LAP3: variants seen among roughly 807,000 people sequenced by gnomAD.
LAP3 encodes the protein cytosol aminopeptidase.
LAP3 carries 46 observed loss-of-function variants against 58.8 expected under a neutral mutation model. The observed-to-expected ratio is 0.78, with a 90% CI of 0.62 to 1.00. LAP3 has a LOEUF of 1.00. Ranked by LOEUF, LAP3 falls within the 50% of genes least tolerant of loss-of-function variation. LAP3 has a pLI of 0.00. For synonymous variants in LAP3, 257 were observed against 237.7 expected (o/e 1.08, Z -0.75); for missense variants, 615 against 659.1 (o/e 0.93, Z 0.73).
At position 17,577,435 on chromosome 4, in the gene LAP3, G is replaced by A; in HGVS notation, c.-31G>A. On this transcript the variant is annotated 5_prime_UTR_variant, in exon 1 of 13. It introduces an in-frame stop codon into an upstream open reading frame of the 5' UTR. Coordinates refer to ENST00000226299, the MANE Select transcript of LAP3 (RefSeq NM_015907.3). ...GCCCACCGCTCTCCACGTGCTCGCT[G>A]GAGGGCGGTGCGAGGGGCCGAGCCG... 3 of 1,512,310 alleles carry A rather than the reference G, an allele frequency of 2.0e-6. No homozygotes were observed. Among genetic ancestry groups the A allele is most frequent in the Non-Finnish European group, 1.8e-6 (2 of 1,123,534 alleles). 93.7% of individuals were successfully genotyped at this position (1,512,310 alleles called of 1,614,324 possible). A position where few individuals can be genotyped will look rare whatever the true frequency, so the allele number is the denominator to read the frequency against.
Position 17,597,670 on chromosome 4 carries a change from A to T in LAP3, c.1077+536A>T, listed in dbSNP as rs544685397. 9.8e-5 allele frequency among the ~76,000 whole-genome samples: 15 copies of T among 152,352 alleles called. No homozygotes were observed. In the South Asian group the frequency reaches 3.1e-3, roughly 32 times the overall value. On this transcript the variant is annotated intron_variant, in intron 9 of 12. Coordinates refer to ENST00000226299, the MANE Select transcript of LAP3 (RefSeq NM_015907.3). ...TCCTCCCATTTCCTGTATGCTATAC[A>T]TGTGTATACACACGTTTCCATGAAT...
intron 1 of LAP3, among the ~76,000 whole-genome samples, chr4:17,577,874 A>G (rs1713252192): frequency 6.6e-6 from 1 of 152,172 alleles, no homozygotes. Context: ...ACCCGGGGAA[A>G]GACGCGGCGG....
intron 4 of LAP3, 57 bp from the exon 5 acceptor site, chr4:17,583,426 T>C (rs1039355092): frequency 3.1e-6 from 5 of 1,597,234 alleles, no homozygotes; most frequent in Middle Eastern, 2.2e-4. Flanking sequence ...CTCTGCTGTC[T>C]GCTCTTTGAG....
At chr4:17,604,517 C>G (rs1004797754) in intron 10 of LAP3, 71 bp from the exon 11 acceptor site, 4 of 1,039,146 alleles carry the variant, frequency 3.8e-6, no homozygotes, top group Non-Finnish European at 6.1e-6. Flanking sequence ...GCTAAGGTTT[C>G]CATCTGGGTG....
In LAP3 at chr4:17,577,409, C is replaced by CTT; in HGVS notation, c.-57_-56insTT. 1 of 1,367,700 alleles carries CTT rather than the reference C, an allele frequency of 7.3e-7. No individual in the cohort carries two copies. Among genetic ancestry groups the CTT allele is most frequent in the Non-Finnish European group, 9.7e-7 (1 of 1,026,262 alleles). 84.7% of individuals were successfully genotyped at this position (1,367,700 alleles called of 1,614,324 possible). On this transcript the variant is annotated 5_prime_UTR_variant, in exon 1 of 13. Coordinates refer to ENST00000226299, the MANE Select transcript of LAP3 (RefSeq NM_015907.3). Reference sequence around the variant, plus strand: ...CGAAAGCCCCGCCCCAAGGCGCGCCCGCCCACCGCTCTCCACGTGCTCGCT... The same window carrying CTT: ...CGAAAGCCCCGCCCCAAGGCGCGCCCTTGCCCACCGCTCTCCACGTGCTCGCT...
chr4:17,577,619 C>CT (rs1344253401), intron 1 of LAP3, 52 bp downstream of exon 1: 1 of 1,391,938 alleles, frequency 7.2e-7, no homozygotes, highest in African/African-American at 1.5e-5. Context: ...TGCCCGTGGG[C>CT]TACTGGGGCT....
intron 5 of LAP3, among the ~76,000 whole-genome samples, chr4:17,584,483 TG>T (rs1713451324): frequency 6.6e-6 from 1 of 152,180 alleles, no homozygotes; most frequent in African/African-American, 2.4e-5. Context: ...TGCTTACGAA[TG>T]GGTTGGAATT....
In LAP3 at chr4:17,598,509, C is replaced by G; in HGVS notation, c.1131C>G (p.Tyr377Ter). The stretch of plus-strand genomic sequence containing the variant: ...TCATACTGGCTGATGCGCTCTGTTA[C>G]GCACACACGTTTAACCCGAAGGTCA... ...GRLILADALC[Y>*]AHTFNPKVIL... The change falls in exon 10 of 13, where the codon TAC becomes TAG. Residue 377 changes from tyrosine to a stop codon, truncating the protein, a stop_gained. Transcript: ENST00000226299. LOFTEE classifies it high-confidence loss of function. 1.2e-6 allele frequency: 2 copies of G among 1,613,964 alleles called. No homozygotes were observed. The highest frequency in any genetic ancestry group is 1.7e-6 in the Non-Finnish European group (2 of 1,179,986).
intron 3 of LAP3, 54 bp downstream of exon 3, chr4:17,581,868 C>A: frequency 7.3e-7 from 1 of 1,368,402 alleles, no homozygotes; most frequent in Non-Finnish European, 1.0e-6. Context: ...CTACTGTACA[C>A]CAAGTATTGG....
chr4:17,585,435 AT>A (rs201860192), intron 6 of LAP3: 3,500 of 149,016 alleles, frequency 0.023, 2 homozygotes, highest in South Asian at 0.082. Flanking sequence ...CAATTCAGTG[AT>A]TTTTTTTTTT....
intron 10 of LAP3, among the ~76,000 whole-genome samples, chr4:17,599,521 C>G (rs532053090): frequency 6.6e-6 from 1 of 151,908 alleles, no homozygotes; most frequent in South Asian, 2.1e-4. Context: ...GGTGACAGAG[C>G]GAGACTCCCT....
At chr4:17,602,301 A>C (rs1713999875) in intron 10 of LAP3, among the ~76,000 whole-genome samples, 1 of 152,168 alleles carries the variant, frequency 6.6e-6, no homozygotes, top group African/African-American at 2.4e-5. Context: ...TCCTTGACTC[A>C]GCGCTTACAG....
chr4:17,603,498 A>G (rs979676200), intron 10 of LAP3, among the ~76,000 whole-genome samples: 2 of 127,566 alleles, frequency 1.6e-5, no homozygotes, highest in African/African-American at 3.0e-5. Context: ...TCTCTACAGC[A>G]AGAAATCTTT....
chr4:17,590,832 A>G (rs1427678193), intron 7 of LAP3, among the ~76,000 whole-genome samples: 4 of 151,948 alleles, frequency 2.6e-5, no homozygotes, highest in Non-Finnish European at 1.5e-5. Context: ...GGTCTCCTGA[A>G]CTGCTGGGAT....
At chr4:17,601,533 A>T (rs576084631) in intron 10 of LAP3, among the ~76,000 whole-genome samples, 1 of 152,124 alleles carries the variant, frequency 6.6e-6, no homozygotes, top group African/African-American at 2.4e-5. Context: ...TATATAAAAA[A>T]CCACTAACTT....
At chr4:17,592,086 T>A (rs1713701099) in intron 7 of LAP3, among the ~76,000 whole-genome samples, 1 of 152,174 alleles carries the variant, frequency 6.6e-6, no homozygotes, top group Non-Finnish European at 1.5e-5. Context: ...TAAAACACCA[T>A]CTTTAAATAA....
At chr4:17,589,575 C>T (rs1713623903) in intron 7 of LAP3, among the ~76,000 whole-genome samples, 2 of 152,108 alleles carry the variant, frequency 1.3e-5, no homozygotes, top group Non-Finnish European at 2.9e-5. Flanking sequence ...TGTTCAAAGT[C>T]CTATAACTAG....
intron 6 of LAP3, 179 bp downstream of exon 6, chr4:17,585,315 C>T (rs1713480434): frequency 1.8e-6 from 1 of 546,812 alleles, no homozygotes; most frequent in Non-Finnish European, 3.3e-6. Context: ...TTCTATCTTT[C>T]CTTGCCTTTG....
intron 1 of LAP3, among the ~76,000 whole-genome samples, chr4:17,579,560 C>T (rs1028951908): frequency 1.3e-5 from 2 of 152,140 alleles, no homozygotes; most frequent in Non-Finnish European, 2.9e-5. Context: ...AAAGTGAAGC[C>T]GTCTCCTAGG....
Sources: allele counts gnomAD v4.1 joint callset (sites outside exome capture counted in the v4.1 genomes callset), GRCh38; gene constraint gnomAD v4.1.1; transcripts MANE v1.5; gene names NCBI Gene and HGNC (gene_info 2026-07-23, HGNC 2026-07-21).